NWD1: variants seen among roughly 807,000 people sequenced by gnomAD.
NWD1 encodes the protein NACHT domain- and WD repeat-containing protein 1.
NWD1 carries 129 observed loss-of-function variants against 135.1 expected under a neutral mutation model. The ratio of observed to expected loss-of-function variants is 0.96; its 90% CI spans 0.83 to 1.11. NWD1 has a LOEUF of 1.11. NWD1 is among the 50% of genes least tolerant of loss of function. NWD1 has a pLI of 0.00. For missense variants in NWD1, 1,740 were observed against 1,851.3 expected, an observed-to-expected ratio of 0.94 and a Z score of 1.10; for synonymous variants, 773 against 786.0, an observed-to-expected ratio of 0.98 and a Z score of 0.28.
Position 16,790,364 on chromosome 19 carries a change from AG to A in NWD1, c.2941-985del. 2.0e-5 allele frequency among the ~76,000 whole-genome samples: 3 copies of A among 152,202 alleles called. No homozygotes were observed. In the South Asian group the frequency reaches 6.2e-4, roughly 32 times the overall value. ...TATCTATTTATTATTATGTTACATA[AG>A]TAATTGGTGGTTGTTGACAGTAATA... On this transcript the variant is annotated intron_variant, in intron 13 of 18. Coordinates refer to ENST00000524140, the MANE Select transcript of NWD1 (RefSeq NM_001007525.5).
At position 16,749,399 on chromosome 19, in the gene NWD1, C is replaced by G; in HGVS notation, c.757C>G (p.Pro253Ala). 6.2e-7 allele frequency: 1 copy of G among 1,613,942 alleles called. No individual in the cohort carries two copies. ...RLPWSRDLVN[P>A]KNKTHACYLK... Reference sequence around the variant, plus strand: ...GCCGTGGAGCCGCGACTTGGTGAACCCCAAGAACAAGACTCACGCCTGCTA... The same window carrying G: ...GCCGTGGAGCCGCGACTTGGTGAACGCCAAGAACAAGACTCACGCCTGCTA... Residue 253 changes from proline (P) to alanine (A), a missense_variant, in exon 6 of 19, where the codon CCC becomes GCC. Physicochemically the swap from Pro to Ala is conservative, Grantham distance 27. Coordinates refer to ENST00000524140, the MANE Select transcript of NWD1 (RefSeq NM_001007525.5).
rs1326387653 is a variant in NWD1, at chr19:16,765,020, C to T, written c.2252-14C>T. ...GTAGGCACTTCCCACATCCTCCCCC[C>T]TTCTCTCCCTCAGGCAGCATGAGCT... On this transcript the variant is annotated splice_polypyrimidine_tract_variant and intron_variant, in intron 9 of 18. Transcript: ENST00000524140. The T allele has an allele frequency of 1.2e-5, 19 of 1,613,706 alleles. No homozygotes were observed. Among genetic ancestry groups the T allele is most frequent in the Admixed American group, 1.7e-5 (1 of 59,966 alleles).
rs549075680 is a variant in NWD1 at position 16,817,936 on chromosome 19, A to T, written c.*2897A>T. ...AAACATTGGAAATGCCTTTTTACTAATAAAATGCTACAACAAATTATTGCT... is the reference window on the plus strand; with the variant it reads ...AAACATTGGAAATGCCTTTTTACTATTAAAATGCTACAACAAATTATTGCT... On this transcript the variant is annotated 3_prime_UTR_variant, in exon 19 of 19. Transcript: ENST00000524140. The T allele has an allele frequency of 1.3e-5, 2 of 152,262 alleles. No individual in the cohort carries two copies. The highest frequency in any genetic ancestry group is 4.8e-5 in the African/African-American group (2 of 41,554). The allele number at this position is 152,262 out of a possible 1,614,324, so 9.4% of individuals were successfully genotyped here.
Position 16,732,677 on chromosome 19 carries a change from T to TAAAAAAA in NWD1, c.81+1399_81+1400insAAAAAAA, listed in dbSNP as rs1464805489. 3.8e-3 allele frequency among the ~76,000 whole-genome samples: 320 copies of TAAAAAAA among 85,072 alleles called. 1 individual carries two copies. The highest frequency in any genetic ancestry group is 0.013 in the African/African-American group (209 of 16,114). 55.8% of individuals were successfully genotyped at this position (85,072 alleles called of 152,430 possible). A position where few individuals can be genotyped will look rare whatever the true frequency, so the allele number is the denominator to read the frequency against. On this transcript the variant is annotated intron_variant, in intron 3 of 18. Transcript: ENST00000524140. ...CTCAAAAAAAAAAAAAAAGAAAAAG[T>TAAAAAAA]GAAAAAGTGCAGTGGTGTGATCTCA...
chr19:16,767,003 C>A (rs1264997568), intron 10 of NWD1, among the ~76,000 whole-genome samples: 2 of 152,110 alleles, frequency 1.3e-5, no homozygotes, highest in African/African-American at 4.8e-5. Flanking sequence ...ACTCTGTTTT[C>A]ATTAAACATT....
chr19:16,730,534 TGAGACTCC>T (rs1568333318), intron 2 of NWD1, among the ~76,000 whole-genome samples: 1 of 151,732 alleles, frequency 6.6e-6, no homozygotes, highest in Non-Finnish European at 1.5e-5. Context: ...GAAAACATAG[TGAGACTCC>T]TTCTCTACAA....
intron 2 of NWD1, among the ~76,000 whole-genome samples, chr19:16,726,123 C>T (rs745500082): frequency 2.0e-5 from 3 of 151,614 alleles, no homozygotes; most frequent in Admixed American, 6.6e-5. Context: ...CCACCAAACC[C>T]GGCTAATTTT....
chr19:16,791,478 G>A lies in NWD1; in HGVS notation c.3069G>A (p.Val1023=). 6.2e-7 allele frequency: 1 copy of A among 1,614,138 alleles called. No individual in the cohort carries two copies. Among genetic ancestry groups the A allele is most frequent in the Non-Finnish European group, 8.5e-7 (1 of 1,180,018 alleles). Residue 1023 remains valine, a synonymous_variant, in exon 14 of 19, where the codon GTG becomes GTA. Transcript: ENST00000524140. ...ATLLTVSRDG[V]VSLWSSATGK... ...TGCTGACAGTGTCCAGGGATGGTGT[G>A]GTCAGTCTGTGGAGCTCAGCTACGG...
At chr19:16,742,397 A>G (rs984757119) in intron 4 of NWD1, among the ~76,000 whole-genome samples, 9 of 152,038 alleles carry the variant, frequency 5.9e-5, no homozygotes, top group African/African-American at 2.2e-4. Flanking sequence ...TAAATAATAA[A>G]TAAATAAATA....
chr19:16,761,658 C>T (rs1969017408), intron 7 of NWD1, among the ~76,000 whole-genome samples: 1 of 152,178 alleles, frequency 6.6e-6, no homozygotes, highest in South Asian at 2.1e-4. Context: ...CCACTGCACC[C>T]AGCCTGAACA....
intron 6 of NWD1, among the ~76,000 whole-genome samples, chr19:16,756,541 T>C (rs1034345259): frequency 6.6e-6 from 1 of 152,320 alleles, no homozygotes; most frequent in South Asian, 2.1e-4. Context: ...CTATTTATCT[T>C]TATGTTTATC....
At chr19:16,792,228 G>A (rs917167715) in intron 14 of NWD1, among the ~76,000 whole-genome samples, 2 of 152,052 alleles carry the variant, frequency 1.3e-5, no homozygotes, top group African/African-American at 2.4e-5. Context: ...GTTGGTGGAC[G>A]GCTGCTTTCA....
chr19:16,769,071 C>A (rs879554441), intron 10 of NWD1, among the ~76,000 whole-genome samples: 1 of 152,164 alleles, frequency 6.6e-6, no homozygotes, highest in African/African-American at 2.4e-5. Context: ...GTGGCTCAAG[C>A]CTGTTATCTC....
intron 15 of NWD1, among the ~76,000 whole-genome samples, chr19:16,796,027 GA>G (rs1333016401): frequency 2.0e-5 from 3 of 152,176 alleles, no homozygotes; most frequent in Admixed American, 6.6e-5. Flanking sequence ...TCTCAGGGGA[GA>G]GGGGATGTGA....
At position 16,788,998 on chromosome 19, in the gene NWD1, G is replaced by A. The variant is rs1970150227; in HGVS notation, c.2748G>A (p.Val916=). 1 of 1,611,928 alleles carries A rather than the reference G, an allele frequency of 6.2e-7. No individual in the cohort carries two copies. Among genetic ancestry groups the A allele is most frequent in the Admixed American group, 1.7e-5 (1 of 59,988 alleles). The change falls in exon 13 of 19, where the codon GTG becomes GTA. Residue 916 remains valine (V), a synonymous_variant. Coordinates refer to ENST00000524140, the MANE Select transcript of NWD1 (RefSeq NM_001007525.5). ...CTGCTGCAGGAGAGGTGAGGTGTGT[G>A]AAAATATTTGCCAAAGGGACCCTCG... is the stretch of plus-strand genomic sequence containing the variant. ...LTGHTGEVRC[V]KIFAKGTLAN...
At chr19:16,801,612 A>G (rs1970604301) in intron 17 of NWD1, 1 of 150,952 alleles carries the variant, frequency 6.6e-6, no homozygotes, top group Non-Finnish European at 1.5e-5. Flanking sequence ...GCTACTTGGG[A>G]GGCTGTGGTG....
At position 16,807,996 on chromosome 19, in the gene NWD1, C is replaced by T. The variant is rs1215413217; in HGVS notation, c.4147C>T (p.Pro1383Ser). The T allele has an allele frequency of 1.2e-6, 2 of 1,614,026 alleles. No homozygotes were observed. The highest frequency in any genetic ancestry group is 1.3e-5 in the African/African-American group (1 of 74,914). Residue 1383 changes from proline (P) to serine (S), a missense_variant, in exon 18 of 19, where the codon CCC becomes TCC. Pro to Ser is a moderately conservative substitution (Grantham distance 74). Coordinates refer to ENST00000524140, the MANE Select transcript of NWD1 (RefSeq NM_001007525.5). ...LYECATSKAF[P>S]LETHRSRVAC... ...CGAGTGTGCAACTTCCAAAGCGTTT[C>T]CCTTGGAGACCCACAGGAGCCGAGT...
intron 14 of NWD1, 87 bp from the exon 15 acceptor site, chr19:16,794,376 A>G: frequency 7.8e-6 from 6 of 768,316 alleles, no homozygotes; most frequent in African/African-American, 5.3e-5. Context: ...AAAAACAAAA[A>G]AAATAAAAAT....
chr19:16,800,714 G>GAA (rs1034354464), intron 17 of NWD1, among the ~76,000 whole-genome samples: 7 of 152,012 alleles, frequency 4.6e-5, no homozygotes, highest in African/African-American at 1.7e-4. Flanking sequence ...GAGAGAGAGA[G>GAA]AAATCTCTTG....
Sources: gnomAD v4.1 joint callset for allele counts (sites outside exome capture counted in the v4.1 genomes callset) on GRCh38, gnomAD v4.1.1 for gene constraint, MANE v1.5 for transcripts, NCBI Gene and HGNC (gene_info 2026-07-23, HGNC 2026-07-21) for gene names.